The following BDKRB2 variants were observed in gnomAD, a reference collection of about 807,000 sequenced individuals.
The protein encoded by BDKRB2 is bradykinin receptor B2.
Under a neutral mutation model 4.0 loss-of-function variants are expected in BDKRB2, and 6 were observed. The observed-to-expected ratio is 1.49, with a 90% CI of 0.81 to 2.93. The LOEUF (loss-of-function observed/expected upper bound fraction) is 2.93. BDKRB2 is among the 30% of genes most tolerant of loss of function. The pLI is 0.00. For synonymous variants in BDKRB2, 225 were observed against 215.3 expected (o/e 1.05, Z -0.40); for missense variants, 478 against 520.1 (o/e 0.92, Z 0.79).
intron 2 of BDKRB2, 137 bp from the exon 3 acceptor site, chr14:96,240,266 C>T: frequency 2.2e-6 from 3 of 1,335,580 alleles, no homozygotes; most frequent in Non-Finnish European, 2.9e-6. Context: ...GCGCGGGCTG[C>T]AGAAAACAGC....
Position 96,214,332 on chromosome 14 carries a change from A to AT in BDKRB2, c.-40+9376dup, listed in dbSNP as rs1266127178. On this transcript the variant is annotated intron_variant, in intron 1 of 2. Transcript: ENST00000554311. ...CATCACTTGACAGAACAATCTGTGGATTTGGGGGAAAGAGGAGGCGACTGT... is the reference window on the plus strand; with the variant it reads ...CATCACTTGACAGAACAATCTGTGGATTTTGGGGGAAAGAGGAGGCGACTGT... 4.6e-5 allele frequency among the ~76,000 whole-genome samples: 7 copies of AT among 152,054 alleles called. No homozygotes were observed. The East Asian group carries it at 1.4e-3, about 29-fold the overall frequency.
At chr14:96,223,104 G>A (rs907211415) in intron 1 of BDKRB2, 22 of 1,223,524 alleles carry the variant, frequency 1.8e-5, no homozygotes, top group African/African-American at 4.5e-5. Context: ...CAAACCGAGC[G>A]ATCATGTCAC....
At chr14:96,205,833 T>C (rs1310517059) in intron 1 of BDKRB2, among the ~76,000 whole-genome samples, 1 of 152,014 alleles carries the variant, frequency 6.6e-6, no homozygotes, top group East Asian at 1.9e-4. Flanking sequence ...GTGATTCGAG[T>C]TGCTGAGAGT....
intron 2 of BDKRB2, 190 bp from the exon 3 acceptor site, chr14:96,240,213 C>A: frequency 7.7e-7 from 1 of 1,301,038 alleles, no homozygotes; most frequent in Non-Finnish European, 9.8e-7. Flanking sequence ...ATCCAAGGAT[C>A]AGAGGGGGCT....
intron 1 of BDKRB2, among the ~76,000 whole-genome samples, chr14:96,217,483 T>C (rs1890452093): frequency 6.6e-6 from 1 of 152,214 alleles, no homozygotes; most frequent in South Asian, 2.1e-4. Context: ...TTGAGTCTAA[T>C]AATAAAAATA....
intron 2 of BDKRB2, chr14:96,239,150 T>G (rs1885195295): frequency 1.0e-6 from 1 of 985,412 alleles, no homozygotes; most frequent in African/African-American, 1.7e-5. Flanking sequence ...CCCCTTTTCC[T>G]TCTCTCACCC....
At chr14:96,237,039 C>A in intron 1 of BDKRB2, 30 bp from the exon 2 acceptor site, 2 of 1,319,740 alleles carry the variant, frequency 1.5e-6, no homozygotes, top group Non-Finnish European at 2.2e-6. Flanking sequence ...AGCCCCTGTG[C>A]CATCTAACCA....
chr14:96,220,676 C>T (rs1177799643), intron 1 of BDKRB2, among the ~76,000 whole-genome samples: 1 of 149,950 alleles, frequency 6.7e-6, no homozygotes, highest in East Asian at 2.0e-4. Context: ...TCTCCCCAGA[C>T]CTGGCTGAGG....
intron 2 of BDKRB2, chr14:96,239,609 C>T (rs1885218095): frequency 1.0e-6 from 1 of 982,694 alleles, no homozygotes. Flanking sequence ...TTTATTGAGC[C>T]TAGTGCAGTG....
At chr14:96,219,742 G>A (rs1890511766) in intron 1 of BDKRB2, among the ~76,000 whole-genome samples, 1 of 152,082 alleles carries the variant, frequency 6.6e-6, no homozygotes, top group African/African-American at 2.4e-5. Context: ...GTGGAGGGAA[G>A]ACAGAAAGTT....
In BDKRB2 at chr14:96,241,527, T is replaced by A; in HGVS notation, c.*23T>A. On this transcript the variant is annotated 3_prime_UTR_variant, in exon 3 of 3. Transcript: ENST00000554311. ...TGAGCAAACGCCAGCAGGGCTGCTG[T>A]GAATTTGTGTAAGGATTGAGGGACA... The A allele has an allele frequency of 6.6e-7, 1 of 1,507,476 alleles. No homozygotes were observed. Among genetic ancestry groups the A allele is most frequent in the Non-Finnish European group, 8.8e-7 (1 of 1,135,990 alleles). The allele number at this position is 1,507,476 out of a possible 1,614,324, so 93.4% of individuals were successfully genotyped here. A position where few individuals can be genotyped will look rare whatever the true frequency, so the allele number is the denominator to read the frequency against.
chr14:96,226,602 C>T (rs564397664), intron 1 of BDKRB2, among the ~76,000 whole-genome samples: 42 of 151,986 alleles, frequency 2.8e-4, no homozygotes, highest in African/African-American at 8.7e-4. Context: ...TGCAGTGAGC[C>T]GAGATCGTGC....
chr14:96,240,292 G>C (rs1885239914), intron 2 of BDKRB2, 111 bp from the exon 3 acceptor site: 3 of 1,342,606 alleles, frequency 2.2e-6, no homozygotes, highest in Admixed American at 2.8e-5. Flanking sequence ...CTCCACCTCG[G>C]CTTCTCCTTG....
intron 1 of BDKRB2, among the ~76,000 whole-genome samples, chr14:96,207,216 G>A (rs1291689625): frequency 2.6e-5 from 4 of 152,164 alleles, no homozygotes; most frequent in Non-Finnish European, 5.9e-5. Context: ...CACTGAAAAC[G>A]ATGCCTAGCC....
intron 1 of BDKRB2, among the ~76,000 whole-genome samples, chr14:96,231,985 G>A (rs1890829425): frequency 6.6e-6 from 1 of 152,114 alleles, no homozygotes; most frequent in Non-Finnish European, 1.5e-5. Flanking sequence ...GACTGGTGGC[G>A]TCCCAGCAAA....
chr14:96,211,498 T>C (rs1890301139), intron 1 of BDKRB2, among the ~76,000 whole-genome samples: 1 of 152,212 alleles, frequency 6.6e-6, no homozygotes, highest in African/African-American at 2.4e-5. Flanking sequence ...GCACACCTGC[T>C]ACAGGTGTGC....
chr14:96,241,060 G>T lies in BDKRB2; in HGVS notation c.732G>T (p.Thr244=). The T allele has an allele frequency of 4.3e-6, 7 of 1,613,796 alleles. No individual in the cohort carries two copies. Among genetic ancestry groups the T allele is most frequent in the Non-Finnish European group, 5.9e-6 (7 of 1,179,760 alleles). ...CCCTGAGTGTCATCACCTTCTGCAC[G>T]ATGCAGATCATGCAGGTGCTGCGGA... The part of the protein sequence containing the change: ...LLPLSVITFC[T]MQIMQVLRNN... The change falls in exon 3 of 3, where the codon ACG becomes ACT. Residue 244 remains threonine, a synonymous_variant. Transcript: ENST00000554311.
chr14:96,212,565 AT>A (rs1168897031), intron 1 of BDKRB2, among the ~76,000 whole-genome samples: 2 of 152,230 alleles, frequency 1.3e-5, no homozygotes, highest in African/African-American at 4.8e-5. Context: ...GAGAAGGGCA[AT>A]CCCAGGAAGT....
intron 1 of BDKRB2, among the ~76,000 whole-genome samples, chr14:96,225,299 G>A (rs1890667811): frequency 6.6e-6 from 1 of 152,146 alleles, no homozygotes; most frequent in Admixed American, 6.5e-5. Flanking sequence ...ACCTGGTCCT[G>A]GGCCTACGAC....
Sources: gnomAD v4.1 joint callset for allele counts (sites outside exome capture counted in the v4.1 genomes callset) on GRCh38, gnomAD v4.1.1 for gene constraint, MANE v1.5 for transcripts, NCBI Gene and HGNC (gene_info 2026-07-23, HGNC 2026-07-21) for gene names.